Variants in ZNF804A observed in about 807,000 individuals in gnomAD.
The protein encoded by ZNF804A is zinc finger protein 804A.
ZNF804A carries 2 observed loss-of-function variants against 16.5 expected under a neutral mutation model. The observed-to-expected ratio is 0.12, with a 90% confidence interval of 0.05 to 0.38. The LOEUF is 0.38. ZNF804A is among the 10% of genes least tolerant of loss of function. The probability of loss-of-function intolerance (pLI) is 0.99; values close to 1 mark genes in which losing one functional copy is unlikely to be tolerated. For missense variants in ZNF804A, 1,473 were observed against 1,390.7 expected (o/e 1.06, Z -0.94); for synonymous variants, 534 against 489.6 (o/e 1.09, Z -1.20).
chr2:184,679,117 C>A (rs1022899034), intron 1 of ZNF804A, among the ~76,000 whole-genome samples: 51 of 152,056 alleles, frequency 3.4e-4, no homozygotes, highest in African/African-American at 1.2e-3. Flanking sequence ...ATTAATGAAT[C>A]CCACAGAATA....
chr2:184,795,824 G>A (rs996489124), intron 1 of ZNF804A, among the ~76,000 whole-genome samples: 1 of 152,184 alleles, frequency 6.6e-6, no homozygotes, highest in African/African-American at 2.4e-5. Context: ...AAACCTAGAA[G>A]AGATGGATAA....
intron 1 of ZNF804A, among the ~76,000 whole-genome samples, chr2:184,788,652 A>T (rs1272887104): frequency 2.0e-5 from 3 of 152,114 alleles, no homozygotes; most frequent in African/African-American, 4.8e-5. Flanking sequence ...ATTGGTGTAT[A>T]CAAATGCTAT....
At chr2:184,788,267 C>T (rs1034898671) in intron 1 of ZNF804A, among the ~76,000 whole-genome samples, 1 of 151,916 alleles carries the variant, frequency 6.6e-6, no homozygotes, top group Middle Eastern at 3.4e-3. Flanking sequence ...TGAAGTTAAA[C>T]AATGTGATAC....
chr2:184,888,171 T>G (rs1248824143), intron 2 of ZNF804A, among the ~76,000 whole-genome samples: 1 of 152,194 alleles, frequency 6.6e-6, no homozygotes, highest in Admixed American at 6.5e-5. Context: ...GTAAAAATAA[T>G]TCTGCATAGA....
chr2:184,621,401 G>A (rs1420458558), intron 1 of ZNF804A, among the ~76,000 whole-genome samples: 1 of 151,656 alleles, frequency 6.6e-6, no homozygotes, highest in Non-Finnish European at 1.5e-5. Context: ...ATATATCCAT[G>A]TATCCATATT....
In ZNF804A at chr2:184,655,507, C is replaced by G. The variant is rs150916236; in HGVS notation, c.111+56437C>G. ...GATCAACGACCTAGGAAGTTTGTTG[C>G]ATTTAAATTTAGAATTAACTTGGGT... On this transcript the variant is annotated intron_variant, in intron 1 of 3. Transcript: ENST00000302277. Among the ~76,000 whole-genome samples, 1,465 of 152,194 alleles carry G rather than the reference C, an allele frequency of 9.6e-3. 26 individuals carry two copies. The highest frequency in any genetic ancestry group is 0.034 in the African/African-American group (1,396 of 41,524).
chr2:184,694,332 C>A (rs1274796249), intron 1 of ZNF804A, among the ~76,000 whole-genome samples: 1 of 152,048 alleles, frequency 6.6e-6, no homozygotes, highest in Non-Finnish European at 1.5e-5. Flanking sequence ...ATGGAGACCA[C>A]CACAAATTGT....
At chr2:184,897,393 C>T (rs1685086149) in intron 2 of ZNF804A, among the ~76,000 whole-genome samples, 1 of 146,352 alleles carries the variant, frequency 6.8e-6, no homozygotes, top group African/African-American at 2.4e-5. Context: ...TTCCCCTTTC[C>T]ATACAGCAAT....
chr2:184,766,827 T>C (rs764396126), intron 1 of ZNF804A, among the ~76,000 whole-genome samples: 16 of 152,126 alleles, frequency 1.1e-4, no homozygotes, highest in Non-Finnish European at 1.8e-4. Context: ...TGAGCTGAAC[T>C]GTGTCCCATG....
intron 2 of ZNF804A, among the ~76,000 whole-genome samples, chr2:184,876,490 C>T (rs1229655878): frequency 6.6e-6 from 1 of 152,102 alleles, no homozygotes; most frequent in African/African-American, 2.4e-5. Flanking sequence ...TAAAGACATA[C>T]AGTTTGCTCC....
chr2:184,605,189 G>A (rs904289279), intron 1 of ZNF804A, among the ~76,000 whole-genome samples: 2 of 152,124 alleles, frequency 1.3e-5, no homozygotes, highest in East Asian at 3.9e-4. Context: ...TACTGTTGAA[G>A]CGACTTGCTG....
At chr2:184,756,086 T>C (rs918776273) in intron 1 of ZNF804A, among the ~76,000 whole-genome samples, 1 of 152,038 alleles carries the variant, frequency 6.6e-6, no homozygotes, top group African/African-American at 2.4e-5. Flanking sequence ...ATAGTTAAAA[T>C]GTGCTTTTGT....
intron 1 of ZNF804A, among the ~76,000 whole-genome samples, chr2:184,690,639 A>G (rs1178433088): frequency 6.6e-6 from 1 of 152,180 alleles, no homozygotes; most frequent in East Asian, 1.9e-4. Flanking sequence ...TAAGCCATTC[A>G]TTAAATCAAG....
chr2:184,627,817 G>A (rs1011321187), intron 1 of ZNF804A, among the ~76,000 whole-genome samples: 2 of 152,140 alleles, frequency 1.3e-5, no homozygotes, highest in Admixed American at 6.6e-5. Context: ...AAGAATCGAA[G>A]TCTTGAGAAC....
chr2:184,918,388 C>G (rs1194175453), intron 2 of ZNF804A, among the ~76,000 whole-genome samples: 2 of 152,048 alleles, frequency 1.3e-5, no homozygotes. Flanking sequence ...AATAGGAAGC[C>G]AAAAATTTGC....
intron 1 of ZNF804A, among the ~76,000 whole-genome samples, chr2:184,750,071 A>G (rs1460771449): frequency 1.3e-5 from 2 of 151,316 alleles, no homozygotes; most frequent in Non-Finnish European, 3.0e-5. Context: ...TTACATCGAG[A>G]CTGTATATAT....
At chr2:184,685,306 C>A (rs924814181) in intron 1 of ZNF804A, among the ~76,000 whole-genome samples, 6 of 152,044 alleles carry the variant, frequency 3.9e-5, no homozygotes. Context: ...AACTGCAGAG[C>A]CCCAAAGAGA....
intron 1 of ZNF804A, among the ~76,000 whole-genome samples, chr2:184,604,313 GGT>G (rs905242804): frequency 1.3e-5 from 2 of 151,594 alleles, no homozygotes; most frequent in African/African-American, 2.4e-5. Context: ...TGGGACTACA[GGT>G]GCCCGCCATC....
chr2:184,654,528 G>A (rs199511975), intron 1 of ZNF804A, among the ~76,000 whole-genome samples: 2 of 152,118 alleles, frequency 1.3e-5, no homozygotes, highest in African/African-American at 2.4e-5. Context: ...GCTGTTGTTT[G>A]TATATTCAAT....
Sources: gnomAD v4.1 joint callset for allele counts (sites outside exome capture counted in the v4.1 genomes callset) on GRCh38, gnomAD v4.1.1 for gene constraint, MANE v1.5 for transcripts, NCBI Gene and HGNC (gene_info 2026-07-23, HGNC 2026-07-21) for gene names.